BMP2K: variants seen among roughly 807,000 people sequenced by gnomAD.
BMP2K encodes the protein BMP2 inducible kinase, also known as BMP-2-inducible protein kinase.
BMP2K carries 74 observed loss-of-function variants against 116.0 expected under a neutral mutation model. The observed-to-expected ratio is 0.64, with a 90% CI of 0.53 to 0.77. The LOEUF is 0.77. Among genes scored for constraint, BMP2K ranks in the 30% least tolerant of loss-of-function variants. The probability of loss-of-function intolerance (pLI) is 0.00; values close to 1 mark genes in which losing one functional copy is unlikely to be tolerated. For synonymous variants in BMP2K, 486 were observed against 502.5 expected (o/e 0.97, Z 0.44); for missense variants, 1,365 against 1,403.6 (o/e 0.97, Z 0.44).
intron 2 of BMP2K, among the ~76,000 whole-genome samples, chr4:78,828,968 A>T (rs1730017981): frequency 6.6e-6 from 1 of 152,186 alleles, no homozygotes; most frequent in Non-Finnish European, 1.5e-5. Context: ...GAATTTTTGC[A>T]TAGTGAAAAA....
chr4:78,848,618 C>T (rs1270860101), intron 6 of BMP2K, among the ~76,000 whole-genome samples: 1 of 151,330 alleles, frequency 6.6e-6, no homozygotes, highest in African/African-American at 2.4e-5. Context: ...TGACTGTTAT[C>T]CAATATCTTA....
In BMP2K at chr4:78,840,408, G is replaced by C. The variant is rs145438243; in HGVS notation, c.404-1977G>C. On this transcript the variant is annotated intron_variant, in intron 3 of 15. Transcript: ENST00000502613. ...GCTCAAATGCCTGGGTTTATATCCTGATCATTGTCCCTCCCTCTGTGCTCT... is the reference window on the plus strand; with the variant it reads ...GCTCAAATGCCTGGGTTTATATCCTCATCATTGTCCCTCCCTCTGTGCTCT... 8.1e-3 allele frequency among the ~76,000 whole-genome samples: 1,225 copies of C among 152,170 alleles called. 5 individuals carry two copies. The highest frequency in any genetic ancestry group is 0.012 in the Non-Finnish European group (836 of 67,998).
chr4:78,782,425 C>G (rs997087560), intron 1 of BMP2K, among the ~76,000 whole-genome samples: 2 of 152,212 alleles, frequency 1.3e-5, no homozygotes, highest in Non-Finnish European at 2.9e-5. Flanking sequence ...CATTCAGCTA[C>G]TTCTCAAAGG....
chr4:78,842,584 G>C, intron 4 of BMP2K, 57 bp downstream of exon 4: 3 of 1,447,452 alleles, frequency 2.1e-6, no homozygotes, highest in Non-Finnish European at 2.8e-6. Flanking sequence ...AAATGTTCTT[G>C]GAGTATTTTC....
intron 10 of BMP2K, among the ~76,000 whole-genome samples, chr4:78,866,442 A>G (rs1732053821): frequency 2.0e-5 from 3 of 152,066 alleles, no homozygotes; most frequent in African/African-American, 4.8e-5. Context: ...GAGTCTCACG[A>G]ACCTGATTTG....
chr4:78,823,822 A>G (rs1327252068), intron 1 of BMP2K, among the ~76,000 whole-genome samples: 1 of 152,098 alleles, frequency 6.6e-6, no homozygotes, highest in African/African-American at 2.4e-5. Flanking sequence ...ACCTAGATAG[A>G]TAAATGTCTC....
Position 78,825,596 on chromosome 4 carries a change from T to C in BMP2K, c.179-441T>C, listed in dbSNP as rs569765493. ...TTCCTGTGATGGGCTTAGAATAATA[T>C]TGGTTCATCTTCTGGAACTGGAGGA... On this transcript the variant is annotated intron_variant, in intron 1 of 15. Transcript: ENST00000502613. Among the ~76,000 whole-genome samples the C allele has an allele frequency of 2.6e-5, 4 of 152,342 alleles. No homozygotes were observed. In the East Asian group the frequency reaches 7.7e-4, roughly 29 times the overall value.
At position 78,865,710 on chromosome 4, in the gene BMP2K, T is replaced by A. The variant is rs189145443; in HGVS notation, c.1221T>A (p.His407Gln). 2.9e-5 allele frequency: 46 copies of A among 1,614,014 alleles called. No homozygotes were observed. The East Asian group carries it at 9.1e-4, about 32-fold the overall frequency. ...TTGCTCCTGGTGAATTCGGTAACCA[T>A]AGACCAAAAGGTAATAGAGCCCCGC... ...KVLAPGEFGN[H>Q]RPKGALRPGN... Residue 407 changes from histidine (H) to glutamine (Q), a missense_variant, in exon 10 of 16, where the codon CAT becomes CAA. By Grantham distance (24) the His-to-Gln change is conservative (BLOSUM62 0). Around this residue, in one of 3 missense-constraint regions of BMP2K, gnomAD observed 762 missense variants for 756.7 expected, o/e 1.01. Coordinates refer to ENST00000502613, the MANE Select transcript of BMP2K (RefSeq NM_198892.2).
chr4:78,888,753 T>C (rs1733246854), intron 15 of BMP2K, among the ~76,000 whole-genome samples: 1 of 152,222 alleles, frequency 6.6e-6, no homozygotes. Context: ...TATGGGTATT[T>C]ATATTAGATT....
At chr4:78,794,045 G>C (rs1728135327) in intron 1 of BMP2K, among the ~76,000 whole-genome samples, 1 of 152,050 alleles carries the variant, frequency 6.6e-6, no homozygotes, top group Admixed American at 6.5e-5. Flanking sequence ...CATTTTTCTT[G>C]GGAGAGGGCT....
intron 1 of BMP2K, among the ~76,000 whole-genome samples, chr4:78,811,145 C>T (rs1578486864): frequency 6.6e-6 from 1 of 152,130 alleles, no homozygotes. Context: ...TTTTACTGCA[C>T]TTGTGGTATT....
intron 15 of BMP2K, 156 bp downstream of exon 15, chr4:78,887,440 C>T (rs1185529794): frequency 1.6e-6 from 1 of 619,642 alleles, no homozygotes; most frequent in Non-Finnish European, 2.8e-6. Context: ...TAATGATGTT[C>T]TTTGCATTGA....
chr4:78,911,133 C>CT lies in BMP2K; in HGVS notation c.2588dup (p.Phe864LeufsTer14). The CT allele has an allele frequency of 6.2e-7, 1 of 1,613,968 alleles. No homozygotes were observed. The highest frequency in any genetic ancestry group is 8.5e-7 in the Non-Finnish European group (1 of 1,179,858). ...AGTTTGATGTATTTGGCGCTGTCCCCTTCTTTGCAGTGCGTGCTCAACAGC... is the reference window on the plus strand; with the variant it reads ...AGTTTGATGTATTTGGCGCTGTCCCCTTTCTTTGCAGTGCGTGCTCAACAGC... On this transcript the variant is annotated frameshift_variant, in exon 16 of 16. Transcript: ENST00000502613. LOFTEE classifies it high-confidence loss of function.
chr4:78,778,704 C>T (rs1727361436), intron 1 of BMP2K, among the ~76,000 whole-genome samples: 1 of 152,210 alleles, frequency 6.6e-6, no homozygotes, highest in Admixed American at 6.5e-5. Flanking sequence ...TCCCCTCTCC[C>T]TTCCTAATAA....
intron 1 of BMP2K, among the ~76,000 whole-genome samples, chr4:78,823,870 C>T (rs996991897): frequency 2.6e-5 from 4 of 152,140 alleles, no homozygotes; most frequent in Non-Finnish European, 4.4e-5. Context: ...CTCAGCTGTA[C>T]TCATACTGCC....
chr4:78,785,558 C>T (rs1365086662), intron 1 of BMP2K, among the ~76,000 whole-genome samples: 1 of 152,128 alleles, frequency 6.6e-6, no homozygotes, highest in Non-Finnish European at 1.5e-5. Flanking sequence ...ACCTTAATTG[C>T]TTATTTTACT....
chr4:78,863,750 T>A (rs1479782156), intron 9 of BMP2K, among the ~76,000 whole-genome samples: 1 of 152,190 alleles, frequency 6.6e-6, no homozygotes. Flanking sequence ...TCCCTATGCC[T>A]AATCTGCCCA....
chr4:78,846,996 G>A (rs1016740938), intron 5 of BMP2K, among the ~76,000 whole-genome samples, 192 bp from the exon 6 acceptor site: 1 of 151,428 alleles, frequency 6.6e-6, no homozygotes, highest in South Asian at 2.1e-4. Context: ...GAATAAAAAT[G>A]TATATAGATG....
chr4:78,864,754 T>C (rs933717445), intron 9 of BMP2K, among the ~76,000 whole-genome samples: 6 of 152,204 alleles, frequency 3.9e-5, no homozygotes, highest in African/African-American at 1.4e-4. Flanking sequence ...TTAATAAAGA[T>C]ATTTTATTGT....
Sources: allele counts gnomAD v4.1 joint callset (sites outside exome capture counted in the v4.1 genomes callset), GRCh38; gene constraint gnomAD v4.1.1; regional missense constraint gnomAD v4.1.1; transcripts MANE v1.5; gene names NCBI Gene and HGNC (gene_info 2026-07-23, HGNC 2026-07-21).